Variants in PITPNM2 observed in about 807,000 individuals in gnomAD.
PITPNM2 encodes phosphatidylinositol transfer protein membrane associated 2, also known as membrane-associated phosphatidylinositol transfer protein 2.
In PITPNM2, 35 loss-of-function variants were observed where a neutral mutation model predicts 132.2. That is an observed-to-expected ratio of 0.26 (90% CI 0.20 to 0.35). PITPNM2 has a LOEUF of 0.35. PITPNM2 is among the 10% of genes least tolerant of loss of function. The pLI, the probability that PITPNM2 is intolerant of heterozygous loss-of-function variation, is 1.00. For missense variants in PITPNM2, 1,332 were observed against 1,912.0 expected (o/e 0.70, Z 5.66); for synonymous variants, 738 against 799.2 (o/e 0.92, Z 1.29).
rs1008963703 is a variant in PITPNM2 at position 123,106,726 on chromosome 12, G to T, written c.-96+3659C>A. Among the ~76,000 whole-genome samples the T allele has an allele frequency of 9.2e-5, 14 of 152,254 alleles. No homozygotes were observed. The highest frequency in any genetic ancestry group is 3.1e-4 in the African/African-American group (13 of 41,468). ...CAAGCTCTGTGGGGACAGCAAAGGA[G>T]CTGAGGAGGAGCTCTCTGTGGACTT... is the stretch of plus-strand genomic sequence containing the variant. On this transcript the variant is annotated intron_variant, in intron 2 of 25. Transcript: ENST00000320201. This position sits in a 1 kb window ranked among gnomAD's most constrained non-coding sequence, Gnocchi z 4.4.
chr12:123,045,569 T>A (rs968683326), intron 2 of PITPNM2, among the ~76,000 whole-genome samples: 1 of 152,208 alleles, frequency 6.6e-6, no homozygotes, highest in African/African-American at 2.4e-5. Flanking sequence ...AAGGTTCTCC[T>A]CTTTACTTGG....
intron 2 of PITPNM2, among the ~76,000 whole-genome samples, chr12:123,059,811 G>A (rs1023091668): frequency 6.6e-6 from 1 of 152,134 alleles, no homozygotes; most frequent in Non-Finnish European, 1.5e-5. Context: ...AGGAGCTGTG[G>A]GGAGGGAGGA....
intron 1 of PITPNM2, among the ~76,000 whole-genome samples, chr12:123,141,334 G>A (rs1191741092): frequency 1.3e-5 from 2 of 152,164 alleles, no homozygotes; most frequent in Admixed American, 6.5e-5. Context: ...CATGCACTGC[G>A]GTGTCTTAGA....
At chr12:123,020,401 G>A (rs576207918) in intron 3 of PITPNM2, among the ~76,000 whole-genome samples, 1 of 152,200 alleles carries the variant, frequency 6.6e-6, no homozygotes, top group Non-Finnish European at 1.5e-5. Context: ...GATTACAGGA[G>A]TGAGCCACTG....
At chr12:123,028,030 G>A (rs1015184908) in intron 3 of PITPNM2, among the ~76,000 whole-genome samples, 4 of 152,218 alleles carry the variant, frequency 2.6e-5, no homozygotes, top group Non-Finnish European at 4.4e-5. Flanking sequence ...CAGAGACAGC[G>A]GCAGTTGGAC....
Position 123,000,396 on chromosome 12 carries a change from G to A in PITPNM2, c.1224+382C>T, listed in dbSNP as rs772052432. 1.3e-4 allele frequency: 91 copies of A among 702,544 alleles called. No homozygotes were observed. Among genetic ancestry groups the A allele is most frequent in the Admixed American group, 6.0e-5 (3 of 49,984 alleles). The allele number at this position is 702,544 out of a possible 1,614,324, so 43.5% of individuals were successfully genotyped here. A position where few individuals can be genotyped will look rare whatever the true frequency, so the allele number is the denominator to read the frequency against. On this transcript the variant is annotated intron_variant, in intron 10 of 25. Transcript: ENST00000320201. The surrounding 1 kb of genome is among the most constrained non-coding windows in gnomAD (Gnocchi z 5.4). ...ACGGCCACATCACTTCTGCCTAGAC[G>A]ACTGTCGCTTCCTCCCTTTTCGTCT...
At chr12:123,069,591 T>C (rs747834455) in intron 2 of PITPNM2, among the ~76,000 whole-genome samples, 8 of 152,080 alleles carry the variant, frequency 5.3e-5, no homozygotes, top group Non-Finnish European at 1.0e-4. Flanking sequence ...TTCCTCGCCT[T>C]CCAGGCCCCC....
At chr12:123,059,839 A>G (rs2041173653) in intron 2 of PITPNM2, among the ~76,000 whole-genome samples, 1 of 152,154 alleles carries the variant, frequency 6.6e-6, no homozygotes, top group South Asian at 2.1e-4. Flanking sequence ...GTGACTGCTT[A>G]AAAGGGACAG....
At chr12:122,997,773 C>A (rs944399829) in intron 10 of PITPNM2, among the ~76,000 whole-genome samples, 2 of 152,176 alleles carry the variant, frequency 1.3e-5, no homozygotes, top group African/African-American at 2.4e-5. Context: ...GGGACTGGAG[C>A]CTGCAGGAGG....
rs555186435 is a variant in PITPNM2 at position 122,988,907 on chromosome 12, A to G, written c.2732-35T>C. On this transcript the variant is annotated intron_variant, in intron 18 of 25. Transcript: ENST00000320201. ...GGGGCCGTGACTGGGCTGGGGCTGTATAGCCCCAGACAGGGACCCCGAAGG... is the reference window on the plus strand; with the variant it reads ...GGGGCCGTGACTGGGCTGGGGCTGTGTAGCCCCAGACAGGGACCCCGAAGG... 2.2e-5 allele frequency: 34 copies of G among 1,524,798 alleles called. No homozygotes were observed. The South Asian group carries it at 4.1e-4, about 18-fold the overall frequency. 94.5% of individuals were successfully genotyped at this position (1,524,798 alleles called of 1,614,324 possible).
intron 18 of PITPNM2, 76 bp from the exon 19 acceptor site, chr12:122,988,948 T>C: frequency 7.0e-7 from 1 of 1,437,806 alleles, no homozygotes; most frequent in Non-Finnish European, 9.2e-7. Flanking sequence ...CCGGCCCCTC[T>C]GGCCTGCTCA....
chr12:123,020,214 A>G (rs987421623), intron 3 of PITPNM2, among the ~76,000 whole-genome samples: 1 of 152,040 alleles, frequency 6.6e-6, no homozygotes, highest in Non-Finnish European at 1.5e-5. Flanking sequence ...TCCGCCTCCC[A>G]GGTTCAAGTG....
Position 122,992,623 on chromosome 12 carries a change from G to A in PITPNM2, c.2280C>T (p.His760=), listed in dbSNP as rs754885083. The A allele has an allele frequency of 2.5e-6, 4 of 1,604,044 alleles. No homozygotes were observed. The highest frequency in any genetic ancestry group is 1.7e-5 in the Admixed American group (1 of 58,732). ...PACQQVYNLF[H]PADPSASRLE... is the part of the protein sequence containing the mutation. ...GGCGTGAAGCTGACGGGTCCGCGGG[G>A]TGGAAGAGGTTGTAGACTTGCTGGC... Residue 760 remains histidine (H), a synonymous_variant, in exon 16 of 26, where the codon CAC becomes CAT. Coordinates refer to ENST00000320201, the MANE Select transcript of PITPNM2 (RefSeq NM_020845.3). This position sits in a 1 kb window ranked among gnomAD's most constrained non-coding sequence, Gnocchi z 6.5.
Position 122,987,527 on chromosome 12 carries a change from T to C in PITPNM2, c.3247A>G (p.Ile1083Val). Residue 1083 changes from isoleucine (I) to valine (V), a missense_variant, in exon 22 of 26, where the codon ATC (isoleucine) becomes GTC (valine). Around this residue, in one of 6 missense-constraint regions of PITPNM2, gnomAD observed 251 missense variants for 472.0 expected, o/e 0.53. Coordinates refer to ENST00000320201, the MANE Select transcript of PITPNM2 (RefSeq NM_020845.3). ...GGCATATACCTGACCACCATCTTGATAGGGTAGACACCCACGCCCAGGCGG... is the reference window on the plus strand; with the variant it reads ...GGCATATACCTGACCACCATCTTGACAGGGTAGACACCCACGCCCAGGCGG... Reference protein sequence around the residue: ...SHRLGVGVYPIKMVVRGDHTF... With the variant: ...SHRLGVGVYPVKMVVRGDHTF... The C allele has an allele frequency of 6.2e-7, 1 of 1,613,366 alleles. No homozygotes were observed. The highest frequency in any genetic ancestry group is 8.5e-7 in the Non-Finnish European group (1 of 1,179,566).
chr12:123,079,106 G>C (rs538257461), intron 2 of PITPNM2, among the ~76,000 whole-genome samples: 1 of 152,112 alleles, frequency 6.6e-6, no homozygotes, highest in Non-Finnish European at 1.5e-5. Flanking sequence ...TGCTGTCCTG[G>C]GCCCATCTCA....
Position 123,064,402 on chromosome 12 carries a change from C to T in PITPNM2, c.-95-29717G>A, listed in dbSNP as rs1025807410. Among the ~76,000 whole-genome samples, 8 of 152,210 alleles carry T rather than the reference C, an allele frequency of 5.3e-5. No homozygotes were observed. The highest frequency in any genetic ancestry group is 3.3e-4 in the Admixed American group (5 of 15,284). On this transcript the variant is annotated intron_variant, in intron 2 of 25. Coordinates refer to ENST00000320201, the MANE Select transcript of PITPNM2 (RefSeq NM_020845.3). This position sits in a 1 kb window ranked among gnomAD's most constrained non-coding sequence, Gnocchi z 4.0. The stretch of plus-strand genomic sequence containing the variant: ...GCCCACAGGAGGCTCTCAGCCACCA[C>T]GGGGCACAGGTATGTGCAGGAGCAT...
At chr12:123,061,111 A>G (rs145738063) in intron 2 of PITPNM2, among the ~76,000 whole-genome samples, 129 of 152,252 alleles carry the variant, frequency 8.5e-4, no homozygotes, top group Middle Eastern at 3.4e-3. Flanking sequence ...CATCATCTAC[A>G]TAGGGCAGGG....
At chr12:123,141,812 C>T (rs901648999) in intron 1 of PITPNM2, among the ~76,000 whole-genome samples, 28 of 152,190 alleles carry the variant, frequency 1.8e-4, no homozygotes, top group African/African-American at 5.3e-4. Flanking sequence ...GCCAACACCC[C>T]ACACCCAGCC....
rs1251156778 is a variant in PITPNM2 at position 122,988,348 on chromosome 12, G to C, written c.2883C>G (p.Val961=). 6.2e-7 allele frequency: 1 copy of C among 1,613,028 alleles called. No individual in the cohort carries two copies. The highest frequency in any genetic ancestry group is 2.2e-5 in the East Asian group (1 of 44,868). The change falls in exon 20 of 26, where the codon GTC becomes GTG. Residue 961 remains valine, a splice_region_variant and synonymous_variant. Coordinates refer to ENST00000320201, the MANE Select transcript of PITPNM2 (RefSeq NM_020845.3). ...TDVVSFLLRQ[V]MRHDNSSILE... ...AGATGCTGGAGTTGTCATGCCTCAT[G>C]ACCTGGGAAGAGGGGACAGTGCAGG...
Sources: allele counts gnomAD v4.1 joint callset (sites outside exome capture counted in the v4.1 genomes callset), GRCh38; gene constraint gnomAD v4.1.1; regional missense constraint gnomAD v4.1.1; non-coding constraint Gnocchi (gnomAD v3.1); transcripts MANE v1.5; gene names NCBI Gene and HGNC (gene_info 2026-07-23, HGNC 2026-07-21).